Variants in ATP8A2 observed in about 807,000 individuals in gnomAD.
The protein encoded by ATP8A2 is ATPase phospholipid transporting 8A2.
In ATP8A2, 100 loss-of-function variants were observed where a neutral mutation model predicts 165.6. That is an observed-to-expected ratio of 0.60 (90% CI 0.51 to 0.71). The LOEUF is 0.71. ATP8A2 is among the 30% of genes least tolerant of loss of function. The pLI, the probability that ATP8A2 is intolerant of heterozygous loss-of-function variation, is 0.00. For missense variants in ATP8A2, 1,227 were observed against 1,479.5 expected, an observed-to-expected ratio of 0.83 and a Z score of 2.80; for synonymous variants, 543 against 548.8, an observed-to-expected ratio of 0.99 and a Z score of 0.15.
chr13:25,870,397 G>A (rs1274690696), intron 33 of ATP8A2, among the ~76,000 whole-genome samples: 1 of 152,190 alleles, frequency 6.6e-6, no homozygotes, highest in Non-Finnish European at 1.5e-5. Flanking sequence ...CACAGGCCTG[G>A]GGGTGGAGCC....
chr13:25,927,848 A>G (rs535884149), intron 33 of ATP8A2, among the ~76,000 whole-genome samples: 48 of 152,354 alleles, frequency 3.2e-4, no homozygotes, highest in African/African-American at 1.1e-3. Context: ...TTTGTCTCCA[A>G]ACTGTATTTG....
At chr13:25,465,783 C>CTCTT (rs1229991253) in intron 1 of ATP8A2, among the ~76,000 whole-genome samples, 4 of 93,592 alleles carry the variant, frequency 4.3e-5, no homozygotes, top group African/African-American at 2.6e-4. Context: ...CTCTCTTTCT[C>CTCTT]TCTTTCTTTC....
intron 25 of ATP8A2, among the ~76,000 whole-genome samples, chr13:25,729,418 T>G (rs2043566999): frequency 6.6e-6 from 1 of 152,222 alleles, no homozygotes; most frequent in Non-Finnish European, 1.5e-5. Flanking sequence ...TTTCGTATGT[T>G]GTCTCATTTA....
intron 30 of ATP8A2, among the ~76,000 whole-genome samples, chr13:25,854,186 A>G (rs1225567839): frequency 6.6e-6 from 1 of 152,066 alleles, no homozygotes; most frequent in Non-Finnish European, 1.5e-5. Flanking sequence ...TTTGGTACCA[A>G]GTTTTCATAT....
intron 24 of ATP8A2, among the ~76,000 whole-genome samples, chr13:25,672,405 AGT>A (rs1376037425): frequency 2.6e-5 from 4 of 151,944 alleles, no homozygotes; most frequent in Non-Finnish European, 5.9e-5. Flanking sequence ...ACATCACTGC[AGT>A]GTGTGTTGTC....
At chr13:25,889,245 C>CGTATATATATATAT (rs1385731913) in intron 33 of ATP8A2, among the ~76,000 whole-genome samples, 1 of 109,972 alleles carries the variant, frequency 9.1e-6, no homozygotes, top group African/African-American at 4.3e-5. Context: ...CATCCTTTGT[C>CGTATATATATATAT]ATATATATAT....
rs190096352 is a variant in ATP8A2, at chr13:25,383,384, T to C, written c.76+11096T>C. Among the ~76,000 whole-genome samples, 838 of 152,358 alleles carry C rather than the reference T, an allele frequency of 5.5e-3. 12 individuals carry two copies. The highest frequency in any genetic ancestry group is 0.019 in the African/African-American group (771 of 41,572). ...TCCCAAAGTGCTGGGATTACAGGCG[T>C]GTGCCTTTTGTCCATCTTTTAATTG... On this transcript the variant is annotated intron_variant, in intron 1 of 36. Coordinates refer to ENST00000381655, the MANE Select transcript of ATP8A2 (RefSeq NM_016529.6).
chr13:25,728,440 A>G (rs2043542399), intron 25 of ATP8A2, among the ~76,000 whole-genome samples: 1 of 152,142 alleles, frequency 6.6e-6, no homozygotes, highest in Admixed American at 6.5e-5. Flanking sequence ...AGCAGGTGCA[A>G]TGTCATGTCT....
chr13:25,395,875 C>T (rs772862932), intron 1 of ATP8A2, among the ~76,000 whole-genome samples: 52 of 151,872 alleles, frequency 3.4e-4, no homozygotes, highest in Admixed American at 1.8e-3. Flanking sequence ...GACGGAGTCT[C>T]ACTCTGTCCC....
At chr13:25,975,006 G>T (rs1956000611) in intron 35 of ATP8A2, among the ~76,000 whole-genome samples, 1 of 152,098 alleles carries the variant, frequency 6.6e-6, no homozygotes, top group East Asian at 1.9e-4. Flanking sequence ...CTCTTCTCAC[G>T]TGTGCGACCC....
chr13:25,967,817 A>G (rs906345449), intron 34 of ATP8A2, among the ~76,000 whole-genome samples: 3 of 152,112 alleles, frequency 2.0e-5, no homozygotes, highest in African/African-American at 7.2e-5. Flanking sequence ...AGATTGGCCA[A>G]TTATTTGAGC....
intron 1 of ATP8A2, among the ~76,000 whole-genome samples, chr13:25,413,158 AT>A (rs1239943275): frequency 1.3e-5 from 2 of 152,048 alleles, no homozygotes; most frequent in Non-Finnish European, 2.9e-5. Flanking sequence ...CAAAACAAAA[AT>A]CTAGCTTTGT....
rs1307234750 is a variant in ATP8A2 at position 26,024,698 on chromosome 13, G to A, written c.*4713G>A. ...CAAGTGACAATCTCGGGCTCTAGTT[G>A]CCTTTGAGATATCCACTCTGCTCTT... On this transcript the variant is annotated 3_prime_UTR_variant, in exon 37 of 37. Transcript: ENST00000381655. 6.6e-6 allele frequency: 1 copy of A among 152,188 alleles called. No homozygotes were observed. The highest frequency in any genetic ancestry group is 2.4e-5 in the African/African-American group (1 of 41,462). 9.4% of individuals were successfully genotyped at this position (152,188 alleles called of 1,614,324 possible). A position where few individuals can be genotyped will look rare whatever the true frequency, so the allele number is the denominator to read the frequency against.
At chr13:25,652,344 T>C (rs917586394) in intron 24 of ATP8A2, among the ~76,000 whole-genome samples, 3 of 152,216 alleles carry the variant, frequency 2.0e-5, no homozygotes, top group East Asian at 3.9e-4. Context: ...TCCTTTACCA[T>C]GTGTGTTAAA....
intron 2 of ATP8A2, among the ~76,000 whole-genome samples, chr13:25,514,538 A>G (rs2037403056): frequency 6.6e-6 from 1 of 152,272 alleles, no homozygotes; most frequent in Admixed American, 6.5e-5. Flanking sequence ...TGCCCTGGGA[A>G]TACTCCTGGC....
At chr13:25,587,819 CAA>C (rs1002489658) in intron 23 of ATP8A2, among the ~76,000 whole-genome samples, 5 of 152,124 alleles carry the variant, frequency 3.3e-5, no homozygotes, top group African/African-American at 1.2e-4. Flanking sequence ...TAATGGGAAA[CAA>C]AGAGTTTGAT....
intron 20 of ATP8A2, among the ~76,000 whole-genome samples, chr13:25,578,578 C>G (rs1739149334): frequency 1.3e-5 from 2 of 152,164 alleles, no homozygotes; most frequent in Admixed American, 6.5e-5. Flanking sequence ...ATTTCTGGTT[C>G]TCCCCAGCAT....
At position 25,463,124 on chromosome 13, in the gene ATP8A2, G is replaced by GTTTTT. The variant is rs150498785; in HGVS notation, c.77-5852_77-5851insTTTTT. 3.9e-5 allele frequency among the ~76,000 whole-genome samples: 5 copies of GTTTTT among 127,580 alleles called. 1 individual carries two copies. In the East Asian group the frequency reaches 6.8e-4, roughly 17 times the overall value. 83.7% of individuals were successfully genotyped at this position (127,580 alleles called of 152,430 possible). The stretch of plus-strand genomic sequence containing the variant: ...GAAGATGAAGGTATTTCTTTCTGAA[G>GTTTTT]TGTTTTTTTTTTTTTTTTTGAGATA... On this transcript the variant is annotated intron_variant, in intron 1 of 36. Coordinates refer to ENST00000381655, the MANE Select transcript of ATP8A2 (RefSeq NM_016529.6).
At chr13:25,584,623 T>C (rs769171841) in intron 23 of ATP8A2, among the ~76,000 whole-genome samples, 1 of 152,210 alleles carries the variant, frequency 6.6e-6, no homozygotes, top group Non-Finnish European at 1.5e-5. Flanking sequence ...AGGAGGAAAT[T>C]CTACATTTCC....
Sources: allele counts gnomAD v4.1 joint callset (sites outside exome capture counted in the v4.1 genomes callset), GRCh38; gene constraint gnomAD v4.1.1; transcripts MANE v1.5; gene names NCBI Gene and HGNC (gene_info 2026-07-23, HGNC 2026-07-21).